The following MANBAL variants were observed in gnomAD, a reference collection of about 807,000 sequenced individuals.
MANBAL encodes protein MANBAL.
In MANBAL, 1 loss-of-function variant was observed where a neutral mutation model predicts 6.4. That is an observed-to-expected ratio of 0.16 (90% CI 0.06 to 0.74). The LOEUF is 0.74. MANBAL is among the 30% of genes least tolerant of loss of function. The pLI is 0.78. For missense variants in MANBAL, 100 were observed against 107.8 expected, an observed-to-expected ratio of 0.93 and a Z score of 0.32; for synonymous variants, 47 against 45.8, an observed-to-expected ratio of 1.03 and a Z score of -0.10.
At position 37,289,666 on chromosome 20, in the gene MANBAL, A is replaced by AGCGGCGCG. The variant is rs1209848724; in HGVS notation, c.-67_-60dup. The AGCGGCGCG allele has an allele frequency of 2.6e-5, 4 of 152,232 alleles. No individual in the cohort carries two copies. Among genetic ancestry groups the AGCGGCGCG allele is most frequent in the Admixed American group, 6.6e-5 (1 of 15,258 alleles). The allele number at this position is 152,232 out of a possible 1,614,324, so 9.4% of individuals were successfully genotyped here. Reference sequence around the variant, plus strand: ...GGTCGCAGGGAACTACTTCCGGGGGAGCGGCGCGGCGGCGCGGGAGGTGAG... The same window carrying AGCGGCGCG: ...GGTCGCAGGGAACTACTTCCGGGGGAGCGGCGCGGCGGCGCGGCGGCGCGGGAGGTGAG... On this transcript the variant is annotated 5_prime_UTR_variant, in exon 1 of 3. Transcript: ENST00000373606.
At chr20:37,298,145 C>T (rs1464654427) in intron 1 of MANBAL, among the ~76,000 whole-genome samples, 1 of 152,126 alleles carries the variant, frequency 6.6e-6, no homozygotes, top group Non-Finnish European at 1.5e-5. Context: ...ATGTTTGTGC[C>T]ATTGTACTCC....
chr20:37,312,266 A>G (rs767703608), intron 2 of MANBAL, among the ~76,000 whole-genome samples: 6 of 152,182 alleles, frequency 3.9e-5, no homozygotes, highest in African/African-American at 1.4e-4. Context: ...GTCACAAACA[A>G]GGGGTTGTAG....
At chr20:37,295,122 C>T (rs1021562088) in intron 1 of MANBAL, among the ~76,000 whole-genome samples, 17 of 152,154 alleles carry the variant, frequency 1.1e-4, no homozygotes, top group African/African-American at 3.9e-4. Flanking sequence ...AGGGAAACCT[C>T]GTGGCCTCTC....
chr20:37,303,792 G>T (rs138535144), intron 2 of MANBAL, among the ~76,000 whole-genome samples: 25 of 152,232 alleles, frequency 1.6e-4, no homozygotes, highest in Non-Finnish European at 3.2e-4. Flanking sequence ...TAGAGACTCA[G>T]TGCCCACATC....
Position 37,301,321 on chromosome 20 carries a change from A to T in MANBAL, c.58A>T (p.Asn20Tyr), listed in dbSNP as rs772600726. 6.2e-7 allele frequency: 1 copy of T among 1,612,770 alleles called. No individual in the cohort carries two copies. The highest frequency in any genetic ancestry group is 8.5e-7 in the Non-Finnish European group (1 of 1,179,140). ...GGTGCCCGAGCCCACTTTCCTGGAGAACCTGCTACGGTACGGACTCTTCCT... is the reference window on the plus strand; with the variant it reads ...GGTGCCCGAGCCCACTTTCCTGGAGTACCTGCTACGGTACGGACTCTTCCT... Reference protein sequence around the residue: ...PEVPEPTFLENLLRYGLFLGA... With the variant: ...PEVPEPTFLEYLLRYGLFLGA... The change falls in exon 2 of 3, where the codon AAC (asparagine) becomes TAC (tyrosine). Residue 20 changes from asparagine to tyrosine, a missense_variant. Physicochemically the swap from Asn to Tyr is moderately radical, Grantham distance 143 (BLOSUM62 -2). Coordinates refer to ENST00000373606, the MANE Select transcript of MANBAL (RefSeq NM_001003897.2).
intron 2 of MANBAL, among the ~76,000 whole-genome samples, chr20:37,303,979 A>T (rs1383475643): frequency 6.6e-6 from 1 of 152,254 alleles, no homozygotes; most frequent in Middle Eastern, 3.2e-3. Flanking sequence ...AAGTTCCCAG[A>T]TGCCAGTCAA....
intron 2 of MANBAL, among the ~76,000 whole-genome samples, chr20:37,312,803 G>A (rs1045108370): frequency 3.3e-5 from 5 of 152,154 alleles, no homozygotes; most frequent in Non-Finnish European, 7.3e-5. Flanking sequence ...GTGCCACCAC[G>A]CCCAGCTGTT....
intron 2 of MANBAL, among the ~76,000 whole-genome samples, chr20:37,312,749 G>T (rs542521329): frequency 1.7e-4 from 26 of 152,298 alleles, no homozygotes; most frequent in Admixed American, 1.5e-3. Context: ...GGGCTTTAGT[G>T]ATCCTCCTGT....
intron 2 of MANBAL, among the ~76,000 whole-genome samples, chr20:37,309,541 C>T (rs967618162): frequency 6.6e-6 from 1 of 152,200 alleles, no homozygotes; most frequent in Non-Finnish European, 1.5e-5. Flanking sequence ...GGACTCGCCA[C>T]GGGCGATGGT....
intron 2 of MANBAL, among the ~76,000 whole-genome samples, chr20:37,303,598 A>G (rs2069188750): frequency 6.6e-6 from 1 of 152,162 alleles, no homozygotes; most frequent in Non-Finnish European, 1.5e-5. Flanking sequence ...CCCCAGGTTC[A>G]GTGATGCACT....
At chr20:37,312,757 T>G (rs986494376) in intron 2 of MANBAL, among the ~76,000 whole-genome samples, 1 of 152,240 alleles carries the variant, frequency 6.6e-6, no homozygotes, top group Non-Finnish European at 1.5e-5. Flanking sequence ...GTGATCCTCC[T>G]GTCTCAACCT....
chr20:37,312,860 G>A (rs1382934080), intron 2 of MANBAL, among the ~76,000 whole-genome samples: 1 of 152,204 alleles, frequency 6.6e-6, no homozygotes, highest in Non-Finnish European at 1.5e-5. Flanking sequence ...GCCAGGGTAT[G>A]TATATTCGGT....
At chr20:37,302,344 G>C (rs1273080780) in intron 2 of MANBAL, 2 of 1,550,472 alleles carry the variant, frequency 1.3e-6, no homozygotes, top group East Asian at 4.9e-5. Flanking sequence ...CTCAGAGCTG[G>C]TGCTATGTAC....
In MANBAL at chr20:37,316,411, G is replaced by A. The variant is rs1372094377; in HGVS notation, c.254G>A (p.Arg85Gln). 8 of 1,612,758 alleles carry A rather than the reference G, an allele frequency of 5.0e-6. No individual in the cohort carries two copies. The highest frequency in any genetic ancestry group is 4.5e-5 in the East Asian group (2 of 44,836). The change falls in exon 3 of 3, where the codon CGG becomes CAG. Residue 85 changes from arginine (R) to glutamine (Q), a missense_variant. Physicochemically the swap from Arg to Gln is conservative, Grantham distance 43 (BLOSUM62 1). Transcript: ENST00000373606. ...KRPKKETKKKR is the reference protein window; with the variant it reads ...KRPKKETKKKQ ...CCCAAGAAAGAGACTAAGAAGAAGC[G>A]GTAGAAGAGGAGGCCTGAGGAGCTG...
intron 1 of MANBAL, among the ~76,000 whole-genome samples, chr20:37,295,089 GCCCTGACTCATCAGGAGAGTCTAGGGAAA>G (rs2068963429): frequency 6.6e-6 from 1 of 152,200 alleles, no homozygotes. Flanking sequence ...TAGCAGCTCT[GCCCTGACTCATCAGGAGAGTCTAGGGAAA>G]CCTCGTGGCC....
Position 37,307,308 on chromosome 20 carries a change from C to T in MANBAL, c.150+5895C>T, listed in dbSNP as rs139700368. Among the ~76,000 whole-genome samples, 175 of 152,260 alleles carry T rather than the reference C, an allele frequency of 1.1e-3. 2 individuals are homozygous for T. The highest frequency in any genetic ancestry group is 6.8e-3 in the Middle Eastern group (2 of 294). On this transcript the variant is annotated intron_variant, in intron 2 of 2. Coordinates refer to ENST00000373606, the MANE Select transcript of MANBAL (RefSeq NM_001003897.2). The stretch of plus-strand genomic sequence containing the variant: ...AAAGTGTCCAGGTGATTGTAATATG[C>T]AGCCACTACTCAAGTCTTTAGATAA...
Position 37,314,781 on chromosome 20 carries a change from T to C in MANBAL, c.151-1527T>C, listed in dbSNP as rs544037772. Among the ~76,000 whole-genome samples the C allele has an allele frequency of 3.9e-5, 6 of 152,238 alleles. No individual in the cohort carries two copies. In the East Asian group the frequency reaches 7.7e-4, roughly 20 times the overall value. On this transcript the variant is annotated intron_variant, in intron 2 of 2. Transcript: ENST00000373606. ...TCGCCTGGCTGATGGGAGACGATGT[T>C]GGCCGATAGGAGGGAGCTGACAGGC...
chr20:37,309,158 C>T (rs1025715198), intron 2 of MANBAL, among the ~76,000 whole-genome samples: 1 of 152,164 alleles, frequency 6.6e-6, no homozygotes, highest in African/African-American at 2.4e-5. Context: ...ATGTGTCTCT[C>T]TCTCTCCTGG....
At chr20:37,308,932 C>T (rs1416759317) in intron 2 of MANBAL, among the ~76,000 whole-genome samples, 1 of 152,226 alleles carries the variant, frequency 6.6e-6, no homozygotes, top group Admixed American at 6.5e-5. Flanking sequence ...ATCTCGTCAG[C>T]TCACAGCCAG....
Sources: gnomAD v4.1 joint callset for allele counts (sites outside exome capture counted in the v4.1 genomes callset) on GRCh38, gnomAD v4.1.1 for gene constraint, MANE v1.5 for transcripts, NCBI Gene and HGNC (gene_info 2026-07-23, HGNC 2026-07-21) for gene names.